NDEL1: variants seen among roughly 807,000 people sequenced by gnomAD.
NDEL1 encodes the protein nudE neurodevelopment protein 1 like 1, also known as nuclear distribution protein nudE-like 1.
In NDEL1, 9 loss-of-function variants were observed where a neutral mutation model predicts 45.7. The observed-to-expected ratio is 0.20, with a 90% CI of 0.12 to 0.34. The LOEUF (loss-of-function observed/expected upper bound fraction) is 0.34, where lower values mean the gene tolerates loss of function less well. NDEL1 is among the 10% of genes least tolerant of loss of function. The probability of loss-of-function intolerance (pLI) is 1.00; values close to 1 mark genes in which losing one functional copy is unlikely to be tolerated. For missense variants in NDEL1, 306 were observed against 406.2 expected (o/e 0.75, Z 2.12); for synonymous variants, 133 against 158.6 (o/e 0.84, Z 1.21).
At chr17:8,447,035 T>G (rs1170561153) in intron 4 of NDEL1, 133 bp downstream of exon 4, 2 of 1,141,862 alleles carry the variant, frequency 1.8e-6, no homozygotes, top group Non-Finnish European at 2.4e-6. Context: ...CTGTAACTCA[T>G]CGGACGGAAG....
At chr17:8,425,969 T>C (rs1249057495) in intron 1 of NDEL1, among the ~76,000 whole-genome samples, 1 of 152,122 alleles carries the variant, frequency 6.6e-6, no homozygotes, top group Non-Finnish European at 1.5e-5. Flanking sequence ...TTTTTAAATT[T>C]ACGTGGAGAT....
At chr17:8,414,350 C>T (rs1908492828) in intron 1 of NDEL1, among the ~76,000 whole-genome samples, 1 of 152,154 alleles carries the variant, frequency 6.6e-6, no homozygotes, top group African/African-American at 2.4e-5. Context: ...AGTTTTCATT[C>T]ATTTGTCCAG....
At chr17:8,432,823 C>T (rs899235409), upstream of NDEL1, among the ~76,000 whole-genome samples, 4 of 152,172 alleles carry the variant, frequency 2.6e-5, no homozygotes, top group African/African-American at 9.7e-5. Context: ...GGAACTTTAT[C>T]ATGGTGGAAA....
At chr17:8,428,606 G>A (rs1452653882) in intron 1 of NDEL1, among the ~76,000 whole-genome samples, 1 of 151,738 alleles carries the variant, frequency 6.6e-6, no homozygotes, top group Non-Finnish European at 1.5e-5. Context: ...CTCGTGATCT[G>A]ACCACCCTGG....
chr17:8,454,941 T>C, intron 7 of NDEL1, 54 bp downstream of exon 7: 1 of 1,442,506 alleles, frequency 6.9e-7, no homozygotes, highest in Non-Finnish European at 9.7e-7. Context: ...TATTGAATTA[T>C]TTCTTAATTT....
intron 7 of NDEL1, 57 bp downstream of exon 7, chr17:8,454,944 C>G: frequency 1.4e-6 from 2 of 1,440,166 alleles, no homozygotes; most frequent in Non-Finnish European, 1.9e-6. Flanking sequence ...TGAATTATTT[C>G]TTAATTTGAA....
chr17:8,466,719 A>T lies in NDEL1; in HGVS notation c.945-211A>T, dbSNP rs530560326. 135 of 585,730 alleles carry T rather than the reference A, an allele frequency of 2.3e-4. No individual in the cohort carries two copies. In the African/African-American group the frequency reaches 2.3e-3, roughly 10 times the overall value. The allele number at this position is 585,730 out of a possible 1,614,324, so 36.3% of individuals were successfully genotyped here. On this transcript the variant is annotated intron_variant, in intron 8 of 8. Transcript: ENST00000334527. Reference sequence around the variant, plus strand: ...GTGTGCGGCAGTTGCCAAACAGGTCATGTGGTCCTGGTTCCCCAGGATTCC... The same window carrying T: ...GTGTGCGGCAGTTGCCAAACAGGTCTTGTGGTCCTGGTTCCCCAGGATTCC...
intron 8 of NDEL1, among the ~76,000 whole-genome samples, chr17:8,460,855 T>C (rs1911151351): frequency 6.6e-6 from 1 of 152,258 alleles, no homozygotes; most frequent in African/African-American, 2.4e-5. Context: ...ACTTTAAATA[T>C]TGCTTTGCAG....
intron 1 of NDEL1, among the ~76,000 whole-genome samples, chr17:8,429,119 G>T (rs563433700): frequency 6.6e-6 from 1 of 152,342 alleles, no homozygotes; most frequent in East Asian, 1.9e-4. Context: ...CCAAATCTTA[G>T]TTCCTTTGTA....
At chr17:8,421,583 G>A (rs563993015) in intron 1 of NDEL1, among the ~76,000 whole-genome samples, 115 of 152,276 alleles carry the variant, frequency 7.6e-4, no homozygotes, top group African/African-American at 2.7e-3. Flanking sequence ...CTTGATTTTA[G>A]CTCTTTAAGT....
In NDEL1 at chr17:8,450,776, A is replaced by C. The variant is rs745854052; in HGVS notation, c.527-4A>C. 1 of 1,602,016 alleles carries C rather than the reference A, an allele frequency of 6.2e-7. No homozygotes were observed. The highest frequency in any genetic ancestry group is 8.5e-7 in the Non-Finnish European group (1 of 1,175,852). On this transcript the variant is annotated splice_region_variant and splice_polypyrimidine_tract_variant and intron_variant, in intron 5 of 8. Transcript: ENST00000334527. The stretch of plus-strand genomic sequence containing the variant: ...TTCCTGCCCTTGTTTGCAATATTTT[A>C]CAGATTTAAGGCAAGAACTAGCAGT...
At chr17:8,472,903 C>T (rs1911900658), downstream of NDEL1, among the ~76,000 whole-genome samples, 1 of 152,200 alleles carries the variant, frequency 6.6e-6, no homozygotes, top group African/African-American at 2.4e-5. Flanking sequence ...GGGAACCACA[C>T]TGCTGCTGGG....
chr17:8,445,662 C>G, intron 2 of NDEL1, 49 bp from the exon 3 acceptor site: 1 of 1,563,816 alleles, frequency 6.4e-7, no homozygotes, highest in Non-Finnish European at 8.6e-7. Context: ...CCAAGACAAT[C>G]CTTGTGGTTC....
At chr17:8,450,414 A>G (rs770605267) in intron 5 of NDEL1, among the ~76,000 whole-genome samples, 2 of 152,244 alleles carry the variant, frequency 1.3e-5, no homozygotes, top group Non-Finnish European at 2.9e-5. Flanking sequence ...TAAAATTACA[A>G]AAATGCACTT....
At chr17:8,471,128 G>C (rs532089642), downstream of NDEL1, among the ~76,000 whole-genome samples, 103 of 152,338 alleles carry the variant, frequency 6.8e-4, no homozygotes, top group African/African-American at 2.3e-3. Context: ...CTAAGCTGCT[G>C]ATGCTCATTC....
chr17:8,470,223 C>G (rs1190412594), downstream of NDEL1, among the ~76,000 whole-genome samples: 1 of 152,076 alleles, frequency 6.6e-6, no homozygotes, highest in Non-Finnish European at 1.5e-5. The surrounding 1 kb of genome is among the most constrained non-coding windows in gnomAD (Gnocchi z 4.2). Flanking sequence ...GGTAGAGTGC[C>G]TCTGTGTGGG....
intron 6 of NDEL1, among the ~76,000 whole-genome samples, chr17:8,454,383 A>C (rs765138289): frequency 5.3e-5 from 8 of 152,012 alleles, no homozygotes; most frequent in Non-Finnish European, 8.8e-5. Context: ...AAATTGTCAA[A>C]AAAAAAAAAG....
At chr17:8,472,196 C>A (rs1228055370), downstream of NDEL1, among the ~76,000 whole-genome samples, 1 of 152,176 alleles carries the variant, frequency 6.6e-6, no homozygotes, top group Non-Finnish European at 1.5e-5. Flanking sequence ...TCGGTCATAC[C>A]CAGAGCCATA....
chr17:8,442,777 C>CTTTTTATTTTTTTTT (rs1909829153), intron 1 of NDEL1, among the ~76,000 whole-genome samples: 1 of 84,152 alleles, frequency 1.2e-5, no homozygotes, highest in African/African-American at 4.8e-5. Flanking sequence ...TATTTATTTA[C>CTTTTTATTTTTTTTT]TTTTTTTTTT....
Sources: allele counts gnomAD v4.1 joint callset (sites outside exome capture counted in the v4.1 genomes callset), GRCh38; gene constraint gnomAD v4.1.1; non-coding constraint Gnocchi (gnomAD v3.1); transcripts MANE v1.5; gene names NCBI Gene and HGNC (gene_info 2026-07-23, HGNC 2026-07-21).